The following MAPDA variants were observed in gnomAD, a reference collection of about 807,000 sequenced individuals.
MAPDA encodes the protein N6,N6-dimethyl-AMP deaminase.
At chr15:43,336,723 T>C in the MAPDA span, 1 of 1,471,846 alleles carries the variant, frequency 6.8e-7, no homozygotes, top group Non-Finnish European at 9.1e-7. Flanking sequence ...GGTTTAAAAA[T>C]TATGAAGTAA....
At chr15:43,335,506 C>G in the MAPDA span, among the ~76,000 whole-genome samples, 54 of 152,134 alleles carry the variant, frequency 3.5e-4, 1 homozygote, top group South Asian at 0.011. Context: ...TGTACTCCAG[C>G]CTGGGTGACA....
the MAPDA span, among the ~76,000 whole-genome samples, chr15:43,333,138 C>A: frequency 6.6e-6 from 1 of 152,124 alleles, no homozygotes; most frequent in African/African-American, 2.4e-5. Flanking sequence ...AATTGAAAAT[C>A]TGGCCGGGCG....
At chr15:43,347,056 C>G in the MAPDA span, 3 of 1,613,794 alleles carry the variant, frequency 1.9e-6, no homozygotes, top group Non-Finnish European at 8.5e-7. Context: ...CTTTTAGAAG[C>G]TAAGAAAGCA....
chr15:43,332,742 T>C, the MAPDA span, among the ~76,000 whole-genome samples: 1 of 152,178 alleles, frequency 6.6e-6, no homozygotes, highest in South Asian at 2.1e-4. Context: ...AAATTTTTTT[T>C]TATTCTGAGT....
chr15:43,334,886 T>C, the MAPDA span: 1 of 440,654 alleles, frequency 2.3e-6, no homozygotes, highest in East Asian at 4.5e-5. Context: ...AAAGAAAAAA[T>C]TAACAAAATC....
the MAPDA span, among the ~76,000 whole-genome samples, chr15:43,350,109 C>T: frequency 6.6e-6 from 1 of 152,116 alleles, no homozygotes; most frequent in Non-Finnish European, 1.5e-5. Context: ...CGCTCTGTCA[C>T]CCAGGCTGGA....
chr15:43,336,501 A>G, the MAPDA span: 12 of 669,876 alleles, frequency 1.8e-5, no homozygotes, highest in Middle Eastern at 4.2e-4. Flanking sequence ...AATTTTTGAA[A>G]CATCTATTCT....
chr15:43,332,926 A>G, the MAPDA span, among the ~76,000 whole-genome samples: 1 of 152,156 alleles, frequency 6.6e-6, no homozygotes, highest in Non-Finnish European at 1.5e-5. Context: ...TTGTCATGGC[A>G]TGCTGTTGTT....
At chr15:43,337,271 G>A in the MAPDA span, among the ~76,000 whole-genome samples, 33 of 118,436 alleles carry the variant, frequency 2.8e-4, no homozygotes, top group South Asian at 6.0e-3. Context: ...GCGAGACTCC[G>A]TCTCAAAAAA....
chr15:43,341,957 G>A, the MAPDA span, among the ~76,000 whole-genome samples: 1 of 151,676 alleles, frequency 6.6e-6, no homozygotes, highest in African/African-American at 2.4e-5. Context: ...TCCTGCCTCA[G>A]CCTCCCGAGT....
chr15:43,350,086 C>T, the MAPDA span, among the ~76,000 whole-genome samples: 17 of 151,748 alleles, frequency 1.1e-4, no homozygotes, highest in African/African-American at 3.6e-4. Context: ...TTTTGGGGGG[C>T]GGGGGACGGA....
chr15:43,338,692 A>G, the MAPDA span, among the ~76,000 whole-genome samples: 1 of 152,218 alleles, frequency 6.6e-6, no homozygotes, highest in African/African-American at 2.4e-5. Context: ...AAGCCCAAAG[A>G]GCTGTTCTCA....
At chr15:43,349,622 A>G in the MAPDA span, among the ~76,000 whole-genome samples, 6 of 152,364 alleles carry the variant, frequency 3.9e-5, no homozygotes, top group East Asian at 9.6e-4. Context: ...ACAGGCTGAT[A>G]TAGTAGTGAT....
At chr15:43,335,300 C>A in the MAPDA span, 2 of 892,048 alleles carry the variant, frequency 2.2e-6, no homozygotes, top group Non-Finnish European at 3.5e-6. Context: ...TTTGGGAGGC[C>A]AAGGCGGGTG....
the MAPDA span, among the ~76,000 whole-genome samples, chr15:43,349,925 G>C: frequency 6.6e-6 from 1 of 152,310 alleles, no homozygotes; most frequent in South Asian, 2.1e-4. Context: ...GCTTGGGTTT[G>C]TCATCCGTTA....
At chr15:43,353,628 C>T in the MAPDA span, 1 of 152,142 alleles carries the variant, frequency 6.6e-6, no homozygotes, top group African/African-American at 2.4e-5. Flanking sequence ...TTCAGTCCTC[C>T]CCCAAACTCT....
the MAPDA span, among the ~76,000 whole-genome samples, chr15:43,332,909 G>C: frequency 6.6e-6 from 1 of 152,170 alleles, no homozygotes; most frequent in Middle Eastern, 3.2e-3. Flanking sequence ...GTCCAGAAAA[G>C]TTAAATTTGT....
chr15:43,345,092 C>T, the MAPDA span, among the ~76,000 whole-genome samples: 1,597 of 152,008 alleles, frequency 0.011, 14 homozygotes, highest in Non-Finnish European at 0.013. Context: ...TGGTGGTTCA[C>T]GCCTGTAATC....
chr15:43,346,918 T>G, the MAPDA span: 2 of 911,836 alleles, frequency 2.2e-6, no homozygotes, highest in Non-Finnish European at 3.5e-6. Flanking sequence ...TCTACCATTA[T>G]TTTTTTCTGC....
Sources: allele counts gnomAD v4.1 joint callset (sites outside exome capture counted in the v4.1 genomes callset), GRCh38; gene constraint gnomAD v4.1.1; transcripts MANE v1.5; gene names NCBI Gene and HGNC (gene_info 2026-07-23, HGNC 2026-07-21).